The following NEMP2 variants were observed in gnomAD, a reference collection of about 807,000 sequenced individuals.
The protein encoded by NEMP2 is nuclear envelope integral membrane protein 2, also known as UPF0571 transmembrane protein.
NEMP2 carries 53 observed loss-of-function variants against 54.2 expected under a neutral mutation model. The ratio of observed to expected loss-of-function variants is 0.98; its 90% CI spans 0.78 to 1.23. The LOEUF (loss-of-function observed/expected upper bound fraction) is 1.23. Among genes scored for constraint, NEMP2 ranks in the 50% most tolerant of loss-of-function variants. The pLI, the probability that NEMP2 is intolerant of heterozygous loss-of-function variation, is 0.00. For synonymous variants in NEMP2, 197 were observed against 190.3 expected (o/e 1.04, Z -0.29); for missense variants, 455 against 511.3 (o/e 0.89, Z 1.06).
chr2:190,461,074 T>C, the NEMP2 span, among the ~76,000 whole-genome samples: 1 of 152,192 alleles, frequency 6.6e-6, no homozygotes, highest in Non-Finnish European at 1.5e-5. The surrounding 1 kb of genome is among the most constrained non-coding windows in gnomAD (Gnocchi z 5.5). Flanking sequence ...CTAGATGGTT[T>C]ACCCACACCC....
chr2:190,438,130 C>G, the NEMP2 span, among the ~76,000 whole-genome samples: 2 of 151,930 alleles, frequency 1.3e-5, no homozygotes, highest in Non-Finnish European at 1.5e-5. The surrounding 1 kb of genome is among the most constrained non-coding windows in gnomAD (Gnocchi z 5.2). Flanking sequence ...TTACATGACT[C>G]CCTGCATTTC....
At chr2:190,434,901 C>T in the NEMP2 span, among the ~76,000 whole-genome samples, 2 of 152,200 alleles carry the variant, frequency 1.3e-5, no homozygotes, top group Non-Finnish European at 2.9e-5. This position sits in a 1 kb window ranked among gnomAD's most constrained non-coding sequence, Gnocchi z 4.3. Context: ...CAAGCATTAT[C>T]ACATGAGCTC....
chr2:190,433,626 A>AT, the NEMP2 span, among the ~76,000 whole-genome samples: 1 of 152,030 alleles, frequency 6.6e-6, no homozygotes, highest in African/African-American at 2.4e-5. This position sits in a 1 kb window ranked among gnomAD's most constrained non-coding sequence, Gnocchi z 4.5. Flanking sequence ...CTTCAGTTAA[A>AT]TTTTTTTTAA....
At chr2:190,493,183 A>G in the NEMP2 span, among the ~76,000 whole-genome samples, 1 of 152,102 alleles carries the variant, frequency 6.6e-6, no homozygotes, top group Non-Finnish European at 1.5e-5. Context: ...AAAGGGGTGG[A>G]AAAAGACATT....
chr2:190,580,684 CAA>C, the NEMP2 span, among the ~76,000 whole-genome samples: 9 of 152,224 alleles, frequency 5.9e-5, no homozygotes, highest in African/African-American at 2.2e-4. This position sits in a 1 kb window ranked among gnomAD's most constrained non-coding sequence, Gnocchi z 5.3. Context: ...AGCAAAATGC[CAA>C]ACTGTGACAG....
Position 190,509,310 on chromosome 2 carries a change from A to T in NEMP2, c.1133T>A (p.Phe378Tyr). 6.4e-7 allele frequency: 1 copy of T among 1,551,638 alleles called. No individual in the cohort carries two copies. Among genetic ancestry groups the T allele is most frequent in the Non-Finnish European group, 8.7e-7 (1 of 1,146,974 alleles). ...GCTTCCTCCAAGAACAAAGTCTGCAAATCTAACAAGTTTTTTGTTTTAAAT... is the reference window on the plus strand; with the variant it reads ...GCTTCCTCCAAGAACAAAGTCTGCATATCTAACAAGTTTTTTGTTTTAAAT... ...VVSRLHTPSKFADFVLGGSHL... is the reference protein window; with the variant it reads ...VVSRLHTPSKYADFVLGGSHL... The change falls in exon 9 of 9, where the codon TTT becomes TAT. Residue 378 changes from phenylalanine (F) to tyrosine (Y), a missense_variant and splice_region_variant. Phe to Tyr is a conservative substitution (Grantham distance 22). Around this residue, in one of 3 missense-constraint regions of NEMP2, gnomAD observed 294 missense variants for 333.6 expected, o/e 0.88. Coordinates refer to ENST00000409150, the MANE Select transcript of NEMP2 (RefSeq NM_001142645.2). The surrounding 1 kb of genome is among the most constrained non-coding windows in gnomAD (Gnocchi z 6.1).
In NEMP2 at chr2:190,513,364, T is replaced by A. The variant is rs942150979; in HGVS notation, c.953+1089A>T. 1.3e-5 allele frequency among the ~76,000 whole-genome samples: 2 copies of A among 152,092 alleles called. No homozygotes were observed. Among genetic ancestry groups the A allele is most frequent in the Non-Finnish European group, 2.9e-5 (2 of 68,018 alleles). On this transcript the variant is annotated intron_variant, in intron 7 of 8. Transcript: ENST00000409150. This position sits in a 1 kb window ranked among gnomAD's most constrained non-coding sequence, Gnocchi z 5.3. The stretch of plus-strand genomic sequence containing the variant: ...ACATGAGCAATCAGCTCAAGCTGAG[T>A]GGTAACAGCCCCGTTTTCAATGAGG...
At chr2:190,631,439 G>C in the NEMP2 span, among the ~76,000 whole-genome samples, 2 of 152,118 alleles carry the variant, frequency 1.3e-5, no homozygotes, top group Non-Finnish European at 2.9e-5. Context: ...ACAAGATCAA[G>C]TGGTTTTATA....
At chr2:190,472,233 G>T in the NEMP2 span, among the ~76,000 whole-genome samples, 1 of 152,194 alleles carries the variant, frequency 6.6e-6, no homozygotes, top group Non-Finnish European at 1.5e-5. Context: ...GAACAAAGCT[G>T]GACAGAGAAT....
At chr2:190,483,835 CAAA>C in the NEMP2 span, among the ~76,000 whole-genome samples, 12,688 of 86,600 alleles carry the variant, frequency 0.15, 702 homozygotes, top group African/African-American at 0.25. Flanking sequence ...AACTCATTTT[CAAA>C]AAAAAAAAAA....
the NEMP2 span, among the ~76,000 whole-genome samples, chr2:190,647,328 G>T: frequency 6.6e-6 from 1 of 152,004 alleles, no homozygotes; most frequent in East Asian, 1.9e-4. Context: ...GAAAAAAAAA[G>T]GTTCTGTACT....
At chr2:190,554,419 C>T in the NEMP2 span, among the ~76,000 whole-genome samples, 1 of 152,208 alleles carries the variant, frequency 6.6e-6, no homozygotes, top group Non-Finnish European at 1.5e-5. The surrounding 1 kb of genome is among the most constrained non-coding windows in gnomAD (Gnocchi z 5.7). Context: ...AAAATTCTTG[C>T]TGCCAGCACA....
the NEMP2 span, among the ~76,000 whole-genome samples, chr2:190,584,961 A>AAGAG: frequency 7.5e-6 from 1 of 133,958 alleles, no homozygotes; most frequent in Non-Finnish European, 1.6e-5. This position sits in a 1 kb window ranked among gnomAD's most constrained non-coding sequence, Gnocchi z 4.2. Flanking sequence ...GAAAGAAAGA[A>AAGAG]AGAGACATAA....
the NEMP2 span, chr2:190,469,892 CT>C: frequency 6.9e-7 from 1 of 1,459,742 alleles, no homozygotes; most frequent in Non-Finnish European, 9.6e-7. The surrounding 1 kb of genome is among the most constrained non-coding windows in gnomAD (Gnocchi z 5.3). Flanking sequence ...ATTTCTCTGC[CT>C]TCCCTGAGCT....
the NEMP2 span, among the ~76,000 whole-genome samples, chr2:190,611,207 A>G: frequency 6.6e-6 from 1 of 152,212 alleles, no homozygotes; most frequent in Admixed American, 6.5e-5. This position sits in a 1 kb window ranked among gnomAD's most constrained non-coding sequence, Gnocchi z 5.4. Context: ...ATACACTAAG[A>G]TGTATCAGAA....
chr2:190,490,289 T>C, the NEMP2 span, among the ~76,000 whole-genome samples: 26 of 147,926 alleles, frequency 1.8e-4, no homozygotes, highest in Middle Eastern at 3.6e-3. The surrounding 1 kb of genome is among the most constrained non-coding windows in gnomAD (Gnocchi z 4.5). Flanking sequence ...AATGGCCGGG[T>C]GCAGTGGCTC....
the NEMP2 span, among the ~76,000 whole-genome samples, chr2:190,480,610 A>G: frequency 1.3e-5 from 2 of 152,250 alleles, no homozygotes. Flanking sequence ...GCTGAGGCAG[A>G]TTACCAAAAT....
At chr2:190,427,079 ACTG>A in the NEMP2 span, among the ~76,000 whole-genome samples, 1 of 152,178 alleles carries the variant, frequency 6.6e-6, no homozygotes, top group African/African-American at 2.4e-5. Context: ...GGACCTCCTT[ACTG>A]CTGGCCAGTG....
chr2:190,463,413 A>C, the NEMP2 span, among the ~76,000 whole-genome samples: 7 of 152,326 alleles, frequency 4.6e-5, no homozygotes, highest in South Asian at 1.4e-3. This position sits in a 1 kb window ranked among gnomAD's most constrained non-coding sequence, Gnocchi z 4.4. Context: ...TGAGCACAGG[A>C]GTCTCCACTC....
Sources: allele counts gnomAD v4.1 joint callset (sites outside exome capture counted in the v4.1 genomes callset), GRCh38; gene constraint gnomAD v4.1.1; regional missense constraint gnomAD v4.1.1; non-coding constraint Gnocchi (gnomAD v3.1); transcripts MANE v1.5; gene names NCBI Gene and HGNC (gene_info 2026-07-23, HGNC 2026-07-21).